RAD54B: variants seen among roughly 807,000 people sequenced by gnomAD.
RAD54B encodes RAD54 homolog B.
RAD54B carries 78 observed loss-of-function variants against 95.8 expected under a neutral mutation model. The ratio of observed to expected loss-of-function variants is 0.81; its 90% CI spans 0.68 to 0.98. The LOEUF (loss-of-function observed/expected upper bound fraction) is 0.98. Among genes scored for constraint, RAD54B ranks in the 50% least tolerant of loss-of-function variants. The pLI, the probability that RAD54B is intolerant of heterozygous loss-of-function variation, is 0.00. For missense variants in RAD54B, 957 were observed against 1,056.6 expected (o/e 0.91, Z 1.31); for synonymous variants, 328 against 354.9 (o/e 0.92, Z 0.85).
At chr8:94,418,483 TAG>T (rs1278139862) in intron 3 of RAD54B, among the ~76,000 whole-genome samples, 3 of 152,178 alleles carry the variant, frequency 2.0e-5, no homozygotes, top group African/African-American at 4.8e-5. Context: ...TACAGTAAAA[TAG>T]ACTTTTTCTT....
At chr8:94,456,587 T>C (rs181276282) in intron 3 of RAD54B, among the ~76,000 whole-genome samples, 17 of 152,320 alleles carry the variant, frequency 1.1e-4, no homozygotes, top group Admixed American at 9.2e-4. Context: ...GAGTTTAGGA[T>C]GTTAATTGCG....
intron 12 of RAD54B, among the ~76,000 whole-genome samples, chr8:94,379,889 T>C (rs1390884010): frequency 6.6e-6 from 1 of 152,224 alleles, no homozygotes; most frequent in Admixed American, 6.5e-5. Context: ...GTCTGAATCC[T>C]GGCTCTGCAT....
At chr8:94,414,024 C>T (rs1811593736) in intron 3 of RAD54B, among the ~76,000 whole-genome samples, 1 of 151,760 alleles carries the variant, frequency 6.6e-6, no homozygotes, top group Admixed American at 6.6e-5. Context: ...TTAGCAGAGA[C>T]GGGGTTTCAC....
chr8:94,472,181 G>T (rs1000586576), intron 1 of RAD54B, among the ~76,000 whole-genome samples: 5 of 152,224 alleles, frequency 3.3e-5, no homozygotes, highest in Non-Finnish European at 2.9e-5. Flanking sequence ...GAAACAGATG[G>T]TTTTTGACTG....
At chr8:94,388,797 A>G (rs184359861) in intron 10 of RAD54B, among the ~76,000 whole-genome samples, 128 of 152,324 alleles carry the variant, frequency 8.4e-4, no homozygotes, top group Non-Finnish European at 1.6e-3. Context: ...ATGAGGAGAA[A>G]GAAGTAGCTG....
At chr8:94,424,176 C>A (rs1446056932) in intron 3 of RAD54B, among the ~76,000 whole-genome samples, 1 of 152,164 alleles carries the variant, frequency 6.6e-6, no homozygotes, top group African/African-American at 2.4e-5. Context: ...ATACACTTTT[C>A]TTTTGCAGAA....
intron 14 of RAD54B, among the ~76,000 whole-genome samples, chr8:94,376,937 T>C (rs1020855535): frequency 1.3e-5 from 2 of 152,094 alleles, no homozygotes; most frequent in African/African-American, 2.4e-5. Context: ...CTCAGTCTTA[T>C]ATAGTCTAAC....
At chr8:94,425,373 C>A (rs1339953832) in intron 3 of RAD54B, among the ~76,000 whole-genome samples, 1 of 151,398 alleles carries the variant, frequency 6.6e-6, no homozygotes. Context: ...TTTTGTTTAA[C>A]AATTCTAAAT....
intron 10 of RAD54B, among the ~76,000 whole-genome samples, chr8:94,391,234 ATAAAT>A (rs1455019652): frequency 3.3e-5 from 5 of 152,016 alleles, no homozygotes; most frequent in African/African-American, 4.8e-5. Flanking sequence ...TGAGAAAAAA[ATAAAT>A]TATTTTTAAT....
At chr8:94,466,565 G>A (rs952351661) in intron 2 of RAD54B, among the ~76,000 whole-genome samples, 6 of 152,008 alleles carry the variant, frequency 3.9e-5, no homozygotes, top group African/African-American at 1.4e-4. Context: ...GTGCCACCAT[G>A]CCCGGCTAGT....
intron 3 of RAD54B, among the ~76,000 whole-genome samples, chr8:94,445,167 C>T (rs112655577): frequency 1.8e-4 from 27 of 152,182 alleles, no homozygotes; most frequent in African/African-American, 4.3e-4. Context: ...TCTTAGATGA[C>T]GCCATCTCAG....
chr8:94,453,769 GGA>G (rs1275440141), intron 3 of RAD54B, among the ~76,000 whole-genome samples: 1 of 152,054 alleles, frequency 6.6e-6, no homozygotes, highest in African/African-American at 2.4e-5. Flanking sequence ...AACAGGGAAG[GGA>G]GACTTTTTAC....
At chr8:94,463,256 G>A (rs1368878210) in intron 2 of RAD54B, among the ~76,000 whole-genome samples, 1 of 145,248 alleles carries the variant, frequency 6.9e-6, no homozygotes, top group Non-Finnish European at 1.5e-5. Context: ...GCAACAGAGC[G>A]AGACTTCACC....
intron 4 of RAD54B, among the ~76,000 whole-genome samples, chr8:94,410,573 TC>T (rs1457028081): frequency 1.3e-5 from 2 of 152,194 alleles, no homozygotes; most frequent in African/African-American, 4.8e-5. Context: ...TGTTAGCCAT[TC>T]TTAATTTGTA....
At chr8:94,467,294 G>T in intron 2 of RAD54B, 111 bp downstream of exon 2, 1 of 940,714 alleles carries the variant, frequency 1.1e-6, no homozygotes. Flanking sequence ...TGTTTTCAGA[G>T]ATACTGAAAA....
intron 3 of RAD54B, among the ~76,000 whole-genome samples, chr8:94,423,418 G>T (rs1811870316): frequency 6.6e-6 from 1 of 152,016 alleles, no homozygotes; most frequent in African/African-American, 2.4e-5. Context: ...TTATCATCAG[G>T]ATCATTTTCC....
intron 3 of RAD54B, among the ~76,000 whole-genome samples, chr8:94,439,667 GA>G (rs1488308318): frequency 2.3e-5 from 3 of 130,056 alleles, no homozygotes; most frequent in Non-Finnish European, 4.8e-5. Context: ...AGAAAAGCGG[GA>G]CAACTCAAGG....
intron 3 of RAD54B, among the ~76,000 whole-genome samples, chr8:94,423,724 G>T (rs1047203856): frequency 2.0e-5 from 3 of 152,160 alleles, no homozygotes; most frequent in African/African-American, 7.2e-5. Flanking sequence ...ATTAACAAAA[G>T]ACAGAATACT....
At chr8:94,417,737 A>G (rs950390686) in intron 3 of RAD54B, among the ~76,000 whole-genome samples, 7 of 152,202 alleles carry the variant, frequency 4.6e-5, no homozygotes, top group African/African-American at 1.7e-4. Context: ...TCTCCAAGCC[A>G]GGTAAATCAA....
Sources: gnomAD v4.1 joint callset for allele counts (sites outside exome capture counted in the v4.1 genomes callset) on GRCh38, gnomAD v4.1.1 for gene constraint, MANE v1.5 for transcripts, NCBI Gene and HGNC (gene_info 2026-07-23, HGNC 2026-07-21) for gene names.